Variants in CASK observed in about 807,000 individuals in gnomAD.
CASK encodes calcium/calmodulin dependent serine protein kinase.
Under a neutral mutation model 82.9 loss-of-function variants are expected in CASK, and 4 were observed. That is an observed-to-expected ratio of 0.05 (90% CI 0.02 to 0.11). The LOEUF (loss-of-function observed/expected upper bound fraction) is 0.11. Ranked by LOEUF, CASK falls within the 10% of genes least tolerant of loss-of-function variation. The probability of loss-of-function intolerance (pLI) is 1.00; values close to 1 mark genes in which losing one functional copy is unlikely to be tolerated. For synonymous variants in CASK, 259 were observed against 253.5 expected (o/e 1.02, Z -0.20); for missense variants, 358 against 720.9 (o/e 0.50, Z 5.76).
At chrX:41,576,292 T>C (rs920829928) in intron 15 of CASK, among the ~76,000 whole-genome samples, 6 of 111,235 alleles carry the variant, frequency 5.4e-5, no homozygotes, top group African/African-American at 2.0e-4. Context: ...TATGTTTCTA[T>C]GTAGTGAGTC....
intron 10 of CASK, among the ~76,000 whole-genome samples, chrX:41,625,424 C>T (rs1436225605): frequency 9.0e-6 from 1 of 110,758 alleles, no homozygotes; most frequent in Non-Finnish European, 1.9e-5. Context: ...CTGACCTCAT[C>T]ATCTGCCCGC....
intron 3 of CASK, among the ~76,000 whole-genome samples, chrX:41,783,102 C>G (rs1201974212): frequency 9.0e-6 from 1 of 111,667 alleles, no homozygotes; most frequent in Non-Finnish European, 1.9e-5. Context: ...CAAGATGGCG[C>G]CACTGCACTC....
In CASK at chrX:41,715,623, G is replaced by GA. The variant is rs1458553381; in HGVS notation, c.429+23760dup. Among the ~76,000 whole-genome samples the GA allele has an allele frequency of 7.1e-3, 600 of 84,099 alleles. 4 individuals carry two copies. Among genetic ancestry groups the GA allele is most frequent in the African/African-American group, 0.022 (511 of 22,835 alleles). The allele number at this position is 84,099 out of a possible 115,157, so 73.0% of individuals were successfully genotyped here. On this transcript the variant is annotated intron_variant, in intron 5 of 26. Coordinates refer to ENST00000378163, the MANE Select transcript of CASK (RefSeq NM_001367721.1). ...GGAGACAAGAGCAAAACTCTGACTT[G>GA]AAAAAAAAAAAAAAAAGATCCTGGT...
At chrX:41,776,123 T>G (rs765562997) in intron 3 of CASK, among the ~76,000 whole-genome samples, 3 of 112,640 alleles carry the variant, frequency 2.7e-5, no homozygotes, top group African/African-American at 9.6e-5. Context: ...ATTATCATTA[T>G]CAAGTATTGT....
At chrX:41,525,969 T>C (rs1334082841) in intron 25 of CASK, among the ~76,000 whole-genome samples, 2 of 112,235 alleles carry the variant, frequency 1.8e-5, no homozygotes, top group Non-Finnish European at 3.8e-5. Flanking sequence ...ATTCTTCTGG[T>C]AAGAAAGCTC....
chrX:41,877,186 T>G (rs775706540), intron 1 of CASK, among the ~76,000 whole-genome samples: 3 of 111,798 alleles, frequency 2.7e-5, no homozygotes, highest in African/African-American at 9.7e-5. Flanking sequence ...CTCTGTTTCT[T>G]CAACCACCAC....
chrX:41,670,367 A>G (rs887887952), intron 6 of CASK, among the ~76,000 whole-genome samples: 1 of 112,539 alleles, frequency 8.9e-6, no homozygotes, highest in African/African-American at 3.2e-5. Context: ...ATTGGAAATG[A>G]TTAACTGGAA....
intron 3 of CASK, among the ~76,000 whole-genome samples, chrX:41,786,210 C>T (rs1000699206): frequency 3.6e-5 from 4 of 111,671 alleles, no homozygotes; most frequent in African/African-American, 9.8e-5. Flanking sequence ...TAAGTTGGAA[C>T]ACACATTCCT....
At chrX:41,874,076 C>T (rs1150374) in intron 1 of CASK, among the ~76,000 whole-genome samples, 17,838 of 110,943 alleles carry the variant, frequency 0.16, 1,426 homozygotes, top group Middle Eastern at 0.3. Flanking sequence ...CAGGCGTGAG[C>T]CACCATGCCC....
chrX:41,775,896 G>A (rs1347686881), intron 3 of CASK, among the ~76,000 whole-genome samples: 1 of 67,969 alleles, frequency 1.5e-5, no homozygotes, highest in African/African-American at 5.9e-5. Context: ...GGGGTGGGGG[G>A]AGGGGGGAGG....
intron 1 of CASK, among the ~76,000 whole-genome samples, chrX:41,886,771 C>T (rs963667497): frequency 2.7e-5 from 3 of 111,543 alleles, no homozygotes; most frequent in Non-Finnish European, 5.7e-5. Context: ...CTACATATAT[C>T]ATGTTGTCTA....
At chrX:41,858,270 C>T (rs1411086897) in intron 1 of CASK, among the ~76,000 whole-genome samples, 3 of 112,256 alleles carry the variant, frequency 2.7e-5, no homozygotes, top group Non-Finnish European at 3.8e-5. Flanking sequence ...TTTTCCACTG[C>T]CACGGGCCAC....
intron 25 of CASK, 168 bp from the exon 26 acceptor site, chrX:41,524,202 C>A: frequency 2.3e-6 from 1 of 443,218 alleles, no homozygotes; most frequent in South Asian, 3.6e-5. Context: ...ACTTATATTA[C>A]TTTTTTTCTA....
rs1013930909 is a variant in CASK at position 41,651,584 on chromosome X, C to T, written c.831+8855G>A. Among the ~76,000 whole-genome samples the T allele has an allele frequency of 7.2e-5, 8 of 111,093 alleles. No homozygotes were observed. In the East Asian group the frequency reaches 1.4e-3, roughly 19 times the overall value. ...TTTTTAATTTTTATTTTTGTAGAGACGGGATTTCCCTATGTTGCCCAGGCT... is the reference window on the plus strand; with the variant it reads ...TTTTTAATTTTTATTTTTGTAGAGATGGGATTTCCCTATGTTGCCCAGGCT... On this transcript the variant is annotated intron_variant, in intron 8 of 26. Transcript: ENST00000378163.
intron 2 of CASK, among the ~76,000 whole-genome samples, chrX:41,825,203 C>T (rs753004075): frequency 1.8e-4 from 20 of 111,249 alleles, no homozygotes; most frequent in South Asian, 1.1e-3. Flanking sequence ...AATATATACT[C>T]CTACTCTGTA....
chrX:41,593,651 A>G (rs2065777738), intron 12 of CASK, among the ~76,000 whole-genome samples: 1 of 111,849 alleles, frequency 8.9e-6, no homozygotes, highest in Non-Finnish European at 1.9e-5. Context: ...ATCTTGATGT[A>G]TATGCATAAT....
chrX:41,704,946 G>C lies in CASK; in HGVS notation c.430-33416C>G, dbSNP rs138349052. 1.5e-4 allele frequency among the ~76,000 whole-genome samples: 17 copies of C among 111,602 alleles called. No individual in the cohort carries two copies. In the East Asian group the frequency reaches 4.8e-3, roughly 31 times the overall value. ...GTAAATAAATGTACCTGGCCAAGTA[G>C]AAACATGCAATATATGGTATCTAAA... On this transcript the variant is annotated intron_variant, in intron 5 of 26. Transcript: ENST00000378163.
intron 2 of CASK, among the ~76,000 whole-genome samples, chrX:41,803,474 C>A (rs2070047907): frequency 9.0e-6 from 1 of 110,702 alleles, no homozygotes; most frequent in Non-Finnish European, 1.9e-5. Flanking sequence ...CTCTTGCAAT[C>A]CCAGCTACTT....
intron 8 of CASK, among the ~76,000 whole-genome samples, chrX:41,654,777 T>G (rs2066910981): frequency 8.9e-6 from 1 of 112,090 alleles, no homozygotes; most frequent in Non-Finnish European, 1.9e-5. Context: ...GGTAGGGAGC[T>G]TCTGCTGTTC....
Sources: gnomAD v4.1 joint callset for allele counts (sites outside exome capture counted in the v4.1 genomes callset) on GRCh38, gnomAD v4.1.1 for gene constraint, MANE v1.5 for transcripts, NCBI Gene and HGNC (gene_info 2026-07-23, HGNC 2026-07-21) for gene names.